MYH3: variants seen among roughly 807,000 people sequenced by gnomAD.
The protein encoded by MYH3 is myosin heavy chain 3.
A neutral mutation model predicts 238.0 loss-of-function variants in MYH3; 130 were observed. That is an observed-to-expected ratio of 0.55 (90% CI 0.47 to 0.63). The LOEUF (loss-of-function observed/expected upper bound fraction) is 0.63, where lower values mean the gene tolerates loss of function less well. Ranked by LOEUF, MYH3 falls within the 30% of genes least tolerant of loss-of-function variation. The pLI is 0.00. For synonymous variants in MYH3, 880 were observed against 924.1 expected (o/e 0.95, Z 0.86); for missense variants, 1,853 against 2,374.9 (o/e 0.78, Z 4.57).
At position 10,641,202 on chromosome 17, in the gene MYH3, C is replaced by G. The variant is rs984000347; in HGVS notation, c.2048G>C (p.Gly683Ala). 5.0e-6 allele frequency: 8 copies of G among 1,613,780 alleles called. No homozygotes were observed. The highest frequency in any genetic ancestry group is 6.8e-6 in the Non-Finnish European group (8 of 1,179,682). Residue 683 changes from glycine (G) to alanine (A), a missense_variant and splice_region_variant, in exon 19 of 41, where the codon GGG (glycine) becomes GCG (alanine). Physicochemically the swap from Gly to Ala is moderately conservative, Grantham distance 60. Around this residue, in one of 3 missense-constraint regions of MYH3, gnomAD observed 678 missense variants for 1,058.9 expected, o/e 0.64. Transcript: ENST00000583535. Reference sequence around the variant, plus strand: ...CAGAACAAGGCTGTGTTCCATAGCCCCTGGGAACAGAAGCGAGATATCAGC... The same window carrying G: ...CAGAACAAGGCTGTGTTCCATAGCCGCTGGGAACAGAAGCGAGATATCAGC... ...CIIPNETKTP[G>A]AMEHSLVLHQ...
At chr17:10,650,608 G>A (rs1389784598) in intron 5 of MYH3, among the ~76,000 whole-genome samples, 1 of 152,044 alleles carries the variant, frequency 6.6e-6, no homozygotes, top group African/African-American at 2.4e-5. Flanking sequence ...GTATATATTT[G>A]TAGGGTACAA....
intron 12 of MYH3, among the ~76,000 whole-genome samples, chr17:10,645,063 A>G (rs2074307488): frequency 6.7e-6 from 1 of 148,246 alleles, no homozygotes. Flanking sequence ...TTTTTGAGAC[A>G]GTCTTACTGT....
In MYH3 at chr17:10,632,057, G is replaced by A. The variant is rs539678785; in HGVS notation, c.4957-41C>T. The stretch of plus-strand genomic sequence containing the variant: ...CGAACATTCTATTTGAAGTTGAGGC[G>A]TTAGGACCACGAGCCTCATCTGCAT... On this transcript the variant is annotated intron_variant, in intron 34 of 40. Transcript: ENST00000583535. 6.3e-6 allele frequency: 10 copies of A among 1,597,630 alleles called. No individual in the cohort carries two copies. The East Asian group carries it at 9.0e-5, about 14-fold the overall frequency.
At chr17:10,634,638 T>C (rs1431885643) in intron 31 of MYH3, among the ~76,000 whole-genome samples, 6 of 152,190 alleles carry the variant, frequency 3.9e-5, no homozygotes, top group Non-Finnish European at 7.3e-5. Context: ...ACGGACAACA[T>C]TTGAAAGGGA....
At chr17:10,668,849 TGTA>T in the MYH3 span, among the ~76,000 whole-genome samples, 5 of 152,264 alleles carry the variant, frequency 3.3e-5, no homozygotes, top group Non-Finnish European at 7.3e-5. Flanking sequence ...GCTTGTCATT[TGTA>T]GTTCTGTGAA....
intron 8 of MYH3, among the ~76,000 whole-genome samples, 187 bp from the exon 9 acceptor site, chr17:10,647,613 C>T (rs1444963739): frequency 1.3e-5 from 2 of 152,188 alleles, no homozygotes; most frequent in Non-Finnish European, 2.9e-5. Context: ...GGCGTGATCT[C>T]GGCTCACTGC....
At chr17:10,671,466 T>G in the MYH3 span, among the ~76,000 whole-genome samples, 3 of 152,316 alleles carry the variant, frequency 2.0e-5, no homozygotes, top group Admixed American at 2.0e-4. Flanking sequence ...TTTAGTGTTT[T>G]GTCAAACTGA....
intron 32 of MYH3, 82 bp from the exon 33 acceptor site, chr17:10,633,797 T>C: frequency 6.4e-7 from 1 of 1,572,166 alleles, no homozygotes; most frequent in Non-Finnish European, 8.7e-7. Flanking sequence ...CAATGCTTTT[T>C]ACCTGGTTTA....
chr17:10,667,753 A>T, the MYH3 span, among the ~76,000 whole-genome samples: 3,095 of 147,942 alleles, frequency 0.021, 100 homozygotes, highest in African/African-American at 0.071. Context: ...ATATAGCGTT[A>T]AAAAAAAAAC....
the MYH3 span, among the ~76,000 whole-genome samples, chr17:10,668,326 CA>C: frequency 6.6e-6 from 1 of 151,282 alleles, no homozygotes; most frequent in African/African-American, 2.4e-5. Flanking sequence ...ACACCGGAGG[CA>C]GAAGTTGTAG....
rs535761686 is a variant in MYH3, at chr17:10,630,261, C to T, written c.5457+27G>A. On this transcript the variant is annotated intron_variant, in intron 37 of 40. Coordinates refer to ENST00000583535, the MANE Select transcript of MYH3 (RefSeq NM_002470.4). The stretch of plus-strand genomic sequence containing the variant: ...GTGATTGGGAGGCTGGAAAGCTCAG[C>T]GCAGGCGGGGTTCCTCCTGCACACA... 5 of 1,571,448 alleles carry T rather than the reference C, an allele frequency of 3.2e-6. No homozygotes were observed. The South Asian group carries it at 3.3e-5, about 10-fold the overall frequency.
Position 10,638,032 on chromosome 17 carries a change from C to T in MYH3, c.3729+11G>A, listed in dbSNP as rs1437516572. 1 of 1,614,016 alleles carries T rather than the reference C, an allele frequency of 6.2e-7. No homozygotes were observed. The highest frequency in any genetic ancestry group is 8.5e-7 in the Non-Finnish European group (1 of 1,180,006). ...TGGAAAGCCTTGAGCCACCCCCACCCCGCGCAGCACCTTAGATTTCGACAC... is the reference window on the plus strand; with the variant it reads ...TGGAAAGCCTTGAGCCACCCCCACCTCGCGCAGCACCTTAGATTTCGACAC... On this transcript the variant is annotated intron_variant, in intron 27 of 40. Transcript: ENST00000583535.
chr17:10,641,256 A>G (rs1225329167), intron 18 of MYH3, 29 bp downstream of exon 18: 1 of 1,610,194 alleles, frequency 6.2e-7, no homozygotes, highest in South Asian at 1.1e-5. Context: ...AAAACTGAGC[A>G]CCACCTAGCG....
the MYH3 span, chr17:10,676,840 A>C: frequency 6.6e-6 from 1 of 152,250 alleles, no homozygotes; most frequent in Non-Finnish European, 1.5e-5. Context: ...AAGAAGAGCC[A>C]ACAAACTTTC....
chr17:10,630,540 C>T, intron 36 of MYH3, 82 bp from the exon 37 acceptor site: 3 of 1,587,612 alleles, frequency 1.9e-6, no homozygotes, highest in East Asian at 2.2e-5. Flanking sequence ...CCTCGGAGGA[C>T]CAGAGACCAT....
chr17:10,649,586 G>T lies in MYH3; in HGVS notation c.633C>A (p.Ser211=), dbSNP rs751520600. The change falls in exon 7 of 41, where the codon TCC becomes TCA. Residue 211 remains serine (S), a synonymous_variant. Coordinates refer to ENST00000583535, the MANE Select transcript of MYH3 (RefSeq NM_002470.4). ...CCTCTCCCATCTATACCTTCATTTT[G>T]GAGTCCTTCTTCTTGGCCAGGTCCC... ...ATGDLAKKKD[S]KMKGTLEDQI... 1.9e-6 allele frequency: 3 copies of T among 1,613,420 alleles called. No homozygotes were observed. The highest frequency in any genetic ancestry group is 2.5e-6 in the Non-Finnish European group (3 of 1,179,304).
At chr17:10,644,255 AAGAC>A in intron 14 of MYH3, 92 bp downstream of exon 14, 9 of 1,350,478 alleles carry the variant, frequency 6.7e-6, no homozygotes, top group Non-Finnish European at 8.4e-6. Context: ...ACAGGAAACT[AAGAC>A]AGCCGCCATC....
Position 10,634,754 on chromosome 17 carries a change from A to C in MYH3, c.4356+86T>G, listed in dbSNP as rs542699317. The C allele has an allele frequency of 3.3e-6, 5 of 1,533,774 alleles. No homozygotes were observed. In the South Asian group the frequency reaches 4.5e-5, roughly 14 times the overall value. ...CCACACTGCTGGTGAGGGCAGAGTC[A>C]GGTCCGGGATGCATTCTCCTCCTTC... On this transcript the variant is annotated intron_variant, in intron 31 of 40. Transcript: ENST00000583535.
intron 29 of MYH3, 37 bp from the exon 30 acceptor site, chr17:10,635,600 T>G (rs781697332): frequency 9.3e-6 from 15 of 1,614,036 alleles, no homozygotes. Context: ...CCTGATATAT[T>G]TAGTGCCAGG....
Sources: gnomAD v4.1 joint callset for allele counts (sites outside exome capture counted in the v4.1 genomes callset) on GRCh38, gnomAD v4.1.1 for gene constraint, gnomAD v4.1.1 regional missense constraint, MANE v1.5 for transcripts, NCBI Gene and HGNC (gene_info 2026-07-23, HGNC 2026-07-21) for gene names.